Variants in IGF1R observed in about 807,000 individuals in gnomAD.
IGF1R encodes the protein insulin-like growth factor 1 receptor.
A neutral mutation model predicts 144.6 loss-of-function variants in IGF1R; 44 were observed. The ratio of observed to expected loss-of-function variants is 0.30; its 90% CI spans 0.24 to 0.39. IGF1R has a LOEUF of 0.39. Ranked by LOEUF, IGF1R falls within the 10% of genes least tolerant of loss-of-function variation. The pLI is 1.00. For missense variants in IGF1R, 1,355 were observed against 1,833.7 expected (o/e 0.74, Z 4.77); for synonymous variants, 795 against 722.8 (o/e 1.10, Z -1.60).
chr15:98,941,006 C>G (rs772788208), intron 18 of IGF1R, among the ~76,000 whole-genome samples: 2 of 152,256 alleles, frequency 1.3e-5, no homozygotes, highest in African/African-American at 4.8e-5. Context: ...CTCATTTCTC[C>G]TTCCCTCTCT....
chr15:98,700,588 C>G (rs765383333), intron 1 of IGF1R, among the ~76,000 whole-genome samples: 1 of 152,156 alleles, frequency 6.6e-6, no homozygotes, highest in Non-Finnish European at 1.5e-5. Context: ...GGACTTTGAA[C>G]ACTCCTCCTA....
intron 1 of IGF1R, among the ~76,000 whole-genome samples, chr15:98,658,531 A>ACC: frequency 1.3e-5 from 2 of 152,242 alleles, no homozygotes; most frequent in Admixed American, 1.3e-4. Flanking sequence ...TTAAATTGAA[A>ACC]TAATTTCCAA....
At chr15:98,650,370 G>GGC (rs45592736) in intron 1 of IGF1R, among the ~76,000 whole-genome samples, 219 of 152,318 alleles carry the variant, frequency 1.4e-3, no homozygotes, top group African/African-American at 4.8e-3. Context: ...CCCGGGGCTG[G>GGC]GCGGTGGGGT....
At chr15:98,928,087 C>T (rs2015793109) in intron 13 of IGF1R, among the ~76,000 whole-genome samples, 1 of 152,126 alleles carries the variant, frequency 6.6e-6, no homozygotes, top group Non-Finnish European at 1.5e-5. Flanking sequence ...CTTTTTCATT[C>T]CAACCCAAGC....
intron 2 of IGF1R, among the ~76,000 whole-genome samples, chr15:98,763,662 T>C (rs769194770): frequency 3.9e-5 from 6 of 152,156 alleles, no homozygotes; most frequent in Non-Finnish European, 8.8e-5. Flanking sequence ...GGTTGTAATC[T>C]TAAATTCTGG....
intron 13 of IGF1R, among the ~76,000 whole-genome samples, chr15:98,925,241 G>C (rs2015666439): frequency 6.6e-6 from 1 of 152,106 alleles, no homozygotes; most frequent in South Asian, 2.1e-4. Flanking sequence ...CTCACCCTTT[G>C]GTACAGAGAC....
chr15:98,691,911 C>T (rs1355944096), intron 1 of IGF1R, among the ~76,000 whole-genome samples: 1 of 152,130 alleles, frequency 6.6e-6, no homozygotes, highest in Non-Finnish European at 1.5e-5. Flanking sequence ...CAGATGTTGT[C>T]CTTCAAAATG....
At chr15:98,870,359 A>T (rs1381976038) in intron 2 of IGF1R, among the ~76,000 whole-genome samples, 1 of 152,222 alleles carries the variant, frequency 6.6e-6, no homozygotes, top group Non-Finnish European at 1.5e-5. Context: ...GTTATCATAA[A>T]ATGATGGGGC....
intron 20 of IGF1R, among the ~76,000 whole-genome samples, chr15:98,956,281 A>C (rs2016979581): frequency 6.6e-6 from 1 of 152,264 alleles, no homozygotes; most frequent in Non-Finnish European, 1.5e-5. Flanking sequence ...ACACAGCACA[A>C]GCGTCATCCT....
In IGF1R at chr15:98,911,775, G is replaced by A. The variant is rs968505150; in HGVS notation, c.1589+334G>A. Reference sequence around the variant, plus strand: ...TCAGTCCAGACTCATGAACGATGATGGGGGACTTCACTGAAATATCGTTTC... The same window carrying A: ...TCAGTCCAGACTCATGAACGATGATAGGGGACTTCACTGAAATATCGTTTC... On this transcript the variant is annotated intron_variant, in intron 7 of 20. Coordinates refer to ENST00000650285, the MANE Select transcript of IGF1R (RefSeq NM_000875.5). 4.6e-5 allele frequency among the ~76,000 whole-genome samples: 7 copies of A among 152,254 alleles called. No individual in the cohort carries two copies. In the South Asian group the frequency reaches 8.3e-4, roughly 18 times the overall value.
At chr15:98,896,727 G>T in intron 3 of IGF1R, 30 bp from the exon 4 acceptor site, 2 of 1,609,560 alleles carry the variant, frequency 1.2e-6, no homozygotes, top group South Asian at 1.1e-5. Flanking sequence ...AATTATGTGT[G>T]TTTTTGATTT....
chr15:98,863,869 T>G (rs988750294), intron 2 of IGF1R, among the ~76,000 whole-genome samples: 2 of 152,234 alleles, frequency 1.3e-5, no homozygotes, highest in African/African-American at 2.4e-5. Flanking sequence ...AAGGTTTACA[T>G]CAACACCATG....
intron 1 of IGF1R, among the ~76,000 whole-genome samples, chr15:98,678,534 TTTTG>T (rs1439463096): frequency 1.3e-5 from 2 of 152,080 alleles, no homozygotes; most frequent in South Asian, 2.1e-4. Flanking sequence ...TTGTGTTTCT[TTTTG>T]TTGTTGGTGT....
chr15:98,830,210 CT>C, intron 2 of IGF1R, among the ~76,000 whole-genome samples: 1 of 152,194 alleles, frequency 6.6e-6, no homozygotes, highest in Admixed American at 6.5e-5. Flanking sequence ...TGTTCCTGCC[CT>C]TTTCCTTTCT....
chr15:98,777,560 G>A (rs926113566), intron 2 of IGF1R, among the ~76,000 whole-genome samples: 18 of 152,208 alleles, frequency 1.2e-4, no homozygotes, highest in African/African-American at 3.9e-4. Context: ...GGGTGCAGGC[G>A]GCTCTGGGAT....
intron 2 of IGF1R, among the ~76,000 whole-genome samples, chr15:98,833,928 A>G (rs2057047781): frequency 6.6e-6 from 1 of 152,242 alleles, no homozygotes; most frequent in Non-Finnish European, 1.5e-5. Context: ...TTGGATCATG[A>G]TAACTCTGGT....
At chr15:98,771,820 G>A (rs1308409288) in intron 2 of IGF1R, among the ~76,000 whole-genome samples, 1 of 152,132 alleles carries the variant, frequency 6.6e-6, no homozygotes, top group Non-Finnish European at 1.5e-5. Flanking sequence ...AAAGTCCAGG[G>A]TGTTCTTTAT....
intron 2 of IGF1R, among the ~76,000 whole-genome samples, chr15:98,798,550 G>A (rs935885232): frequency 1.3e-5 from 2 of 152,210 alleles, no homozygotes; most frequent in African/African-American, 2.4e-5. Flanking sequence ...TTGCCCCAGT[G>A]TAGGGCAGAG....
intron 2 of IGF1R, among the ~76,000 whole-genome samples, chr15:98,796,540 A>G (rs1270367174): frequency 1.3e-5 from 2 of 152,178 alleles, no homozygotes; most frequent in South Asian, 2.1e-4. Context: ...TCTAATGAGC[A>G]TACTTTTGTC....
Sources: gnomAD v4.1 joint callset for allele counts (sites outside exome capture counted in the v4.1 genomes callset) on GRCh38, gnomAD v4.1.1 for gene constraint, MANE v1.5 for transcripts, NCBI Gene and HGNC (gene_info 2026-07-23, HGNC 2026-07-21) for gene names.